The following SLC25A33 variants were observed in gnomAD, a reference collection of about 807,000 sequenced individuals.
SLC25A33 encodes the protein bone marrow stromal cell mitochondrial carrier protein.
In SLC25A33, 15 loss-of-function variants were observed where a neutral mutation model predicts 35.5. That is an observed-to-expected ratio of 0.42 (90% confidence interval 0.28 to 0.65). SLC25A33 has a LOEUF of 0.65. SLC25A33 is among the 30% of genes least tolerant of loss of function. The pLI, the probability that SLC25A33 is intolerant of heterozygous loss-of-function variation, is 0.20. For missense variants in SLC25A33, 257 were observed against 398.5 expected (o/e 0.64, Z 3.02); for synonymous variants, 136 against 148.7 (o/e 0.91, Z 0.62).
rs1387577971 is a variant in SLC25A33 at position 9,584,603 on chromosome 1, T to A, written c.*2102T>A. The A allele has an allele frequency of 6.6e-6, 1 of 152,314 alleles. No individual in the cohort carries two copies. Among genetic ancestry groups the A allele is most frequent in the African/African-American group, 2.4e-5 (1 of 41,472 alleles). The allele number at this position is 152,314 out of a possible 1,614,324, so 9.4% of individuals were successfully genotyped here. A position where few individuals can be genotyped will look rare whatever the true frequency, so the allele number is the denominator to read the frequency against. ...TAGTAGAGATGGGGTTTCACCATGT[T>A]GGCCAGGCTGGTCTCAAACTCTTGA... On this transcript the variant is annotated 3_prime_UTR_variant, in exon 7 of 7. Coordinates refer to ENST00000302692, the MANE Select transcript of SLC25A33 (RefSeq NM_032315.3).
At chr1:9,542,321 A>G (rs1311698486) in intron 1 of SLC25A33, among the ~76,000 whole-genome samples, 1 of 152,054 alleles carries the variant, frequency 6.6e-6, no homozygotes. Flanking sequence ...CTCCTGCTTG[A>G]TTAAGATGTA....
At chr1:9,573,545 G>C in intron 5 of SLC25A33, 133 bp downstream of exon 5, 1 of 705,316 alleles carries the variant, frequency 1.4e-6, no homozygotes, top group Non-Finnish European at 2.4e-6. Flanking sequence ...CTAAGTGCAC[G>C]CAGGATTCCT....
rs564371180 is a variant in SLC25A33, at chr1:9,563,057, T to C, written c.237-4227T>C. Among the ~76,000 whole-genome samples the C allele has an allele frequency of 6.7e-3, 1,012 of 151,600 alleles. 10 individuals carry two copies. Among genetic ancestry groups the C allele is most frequent in the African/African-American group, 0.023 (970 of 41,426 alleles). ...CTTCAGCCTCCCGAGTAGCTGGGAC[T>C]ACAGGCGCCCACTACCACGCCTGGC... is the stretch of plus-strand genomic sequence containing the variant. On this transcript the variant is annotated intron_variant, in intron 2 of 6. Coordinates refer to ENST00000302692, the MANE Select transcript of SLC25A33 (RefSeq NM_032315.3).
chr1:9,577,323 C>G (rs1463133242), intron 5 of SLC25A33, among the ~76,000 whole-genome samples: 1 of 151,888 alleles, frequency 6.6e-6, no homozygotes, highest in Non-Finnish European at 1.5e-5. Flanking sequence ...TGTCATGCCT[C>G]GGGAGGCTGA....
At position 9,582,634 on chromosome 1, in the gene SLC25A33, G is replaced by A; in HGVS notation, c.*133G>A. 1 of 807,968 alleles carries A rather than the reference G, an allele frequency of 1.2e-6. No individual in the cohort carries two copies. Among genetic ancestry groups the A allele is most frequent in the South Asian group, 1.9e-5 (1 of 51,986 alleles). 50.0% of individuals were successfully genotyped at this position (807,968 alleles called of 1,614,324 possible). A position where few individuals can be genotyped will look rare whatever the true frequency, so the allele number is the denominator to read the frequency against. ...AATATCTGGTTCATATCACCTGTTG[G>A]ACATTTCCTTTTGGATTCATGCTTT... On this transcript the variant is annotated 3_prime_UTR_variant, in exon 7 of 7. Coordinates refer to ENST00000302692, the MANE Select transcript of SLC25A33 (RefSeq NM_032315.3). This position sits in a 1 kb window ranked among gnomAD's most constrained non-coding sequence, Gnocchi z 4.0.
At chr1:9,561,624 A>G (rs536411692) in intron 2 of SLC25A33, among the ~76,000 whole-genome samples, 3 of 152,268 alleles carry the variant, frequency 2.0e-5, no homozygotes, top group African/African-American at 7.2e-5. Context: ...ATTATGTGTA[A>G]CTATGGAGAC....
chr1:9,573,229 T>C, intron 4 of SLC25A33, 117 bp from the exon 5 acceptor site: 1 of 663,146 alleles, frequency 1.5e-6, no homozygotes, highest in Non-Finnish European at 2.5e-6. Flanking sequence ...TGCTTCCTAC[T>C]GTCTTTTTAT....
intron 4 of SLC25A33, among the ~76,000 whole-genome samples, chr1:9,573,087 C>T (rs1291339753): frequency 1.3e-5 from 2 of 152,064 alleles, no homozygotes; most frequent in African/African-American, 4.8e-5. Flanking sequence ...ATCAACACCA[C>T]CACCTACAGG....
intron 5 of SLC25A33, among the ~76,000 whole-genome samples, chr1:9,576,032 A>ATCAC (rs1643657230): frequency 6.6e-6 from 1 of 152,154 alleles, no homozygotes. Flanking sequence ...GTAAACTCAT[A>ATCAC]TCACTTCTGT....
At chr1:9,570,595 G>T (rs1643574948) in intron 4 of SLC25A33, among the ~76,000 whole-genome samples, 1 of 151,368 alleles carries the variant, frequency 6.6e-6, no homozygotes, top group Admixed American at 6.6e-5. Context: ...TTCTATGCAT[G>T]CTACTGGTAT....
At chr1:9,564,598 A>G (rs768516923) in intron 2 of SLC25A33, among the ~76,000 whole-genome samples, 9 of 151,870 alleles carry the variant, frequency 5.9e-5, no homozygotes, top group Non-Finnish European at 1.3e-4. Flanking sequence ...AAAAAAAAGG[A>G]AATTCTGGGT....
At chr1:9,569,835 G>A (rs1434303898) in intron 3 of SLC25A33, among the ~76,000 whole-genome samples, 3 of 151,962 alleles carry the variant, frequency 2.0e-5, no homozygotes, top group Non-Finnish European at 2.9e-5. Flanking sequence ...GTGTGTTCCC[G>A]AGTCACCCAA....
rs537280865 is a variant in SLC25A33 at position 9,554,317 on chromosome 1, C to T, written c.236+512C>T. ...GTGCTGGTATTACAGGCGTGAGCCA[C>T]CGCTCCCAGCCGTGAATATTTTTAA... On this transcript the variant is annotated intron_variant, in intron 2 of 6. Coordinates refer to ENST00000302692, the MANE Select transcript of SLC25A33 (RefSeq NM_032315.3). Among the ~76,000 whole-genome samples, 282 of 152,300 alleles carry T rather than the reference C, an allele frequency of 1.9e-3. 1 individual carries two copies. The highest frequency in any genetic ancestry group is 3.4e-3 in the Middle Eastern group (1 of 294).
chr1:9,542,742 A>G (rs1643104950), intron 1 of SLC25A33, among the ~76,000 whole-genome samples: 1 of 152,246 alleles, frequency 6.6e-6, no homozygotes, highest in South Asian at 2.1e-4. Flanking sequence ...GCCATTGGAA[A>G]CTATAACATC....
intron 2 of SLC25A33, among the ~76,000 whole-genome samples, chr1:9,566,064 G>A (rs1643498381): frequency 6.6e-6 from 1 of 151,778 alleles, no homozygotes; most frequent in South Asian, 2.1e-4. Flanking sequence ...TTGAGACAAG[G>A]GGTCTCTTTC....
In SLC25A33 at chr1:9,576,396, C is replaced by T. The variant is rs1236293401; in HGVS notation, c.482+2984C>T. 8.3e-6 allele frequency: 3 copies of T among 363,328 alleles called. No individual in the cohort carries two copies. The East Asian group carries it at 2.2e-4, about 26-fold the overall frequency. The allele number at this position is 363,328 out of a possible 1,614,324, so 22.5% of individuals were successfully genotyped here. Reference sequence around the variant, plus strand: ...CACCCAACTCCCATCTTAAGAATAGCCAGGTGGGCTTTGCCGTGTCTACTG... The same window carrying T: ...CACCCAACTCCCATCTTAAGAATAGTCAGGTGGGCTTTGCCGTGTCTACTG... On this transcript the variant is annotated intron_variant, in intron 5 of 6. Transcript: ENST00000302692.
chr1:9,550,649 A>G lies in SLC25A33; in HGVS notation c.57-2977A>G, dbSNP rs528560003. ...CATGGGTTAGAAAGTTTTTACGTCTATCATTTTTATTTTTATTAATTAATT... is the reference window on the plus strand; with the variant it reads ...CATGGGTTAGAAAGTTTTTACGTCTGTCATTTTTATTTTTATTAATTAATT... On this transcript the variant is annotated intron_variant, in intron 1 of 6. Transcript: ENST00000302692. Among the ~76,000 whole-genome samples the G allele has an allele frequency of 3.3e-4, 50 of 152,052 alleles. 1 individual carries two copies. The highest frequency in any genetic ancestry group is 1.6e-3 in the Admixed American group (25 of 15,248).
In SLC25A33 at chr1:9,584,480, GC is replaced by G. The variant is rs1414825173; in HGVS notation, c.*1981del. On this transcript the variant is annotated 3_prime_UTR_variant, in exon 7 of 7. Transcript: ENST00000302692. ...AGTGGCACAATCTCGGCTCACTACA[GC>G]CTCCACCTCCCGGTTTCAAGCAATT... is the stretch of plus-strand genomic sequence containing the variant. The G allele has an allele frequency of 1.3e-5, 2 of 152,202 alleles. No homozygotes were observed. Among genetic ancestry groups the G allele is most frequent in the East Asian group, 3.8e-4 (2 of 5,196 alleles). 9.4% of individuals were successfully genotyped at this position (152,202 alleles called of 1,614,324 possible).
At chr1:9,542,998 A>G (rs926280752) in intron 1 of SLC25A33, among the ~76,000 whole-genome samples, 1 of 151,868 alleles carries the variant, frequency 6.6e-6, no homozygotes, top group African/African-American at 2.4e-5. Flanking sequence ...TTGTATTTTT[A>G]GTAGAGATGG....
Sources: allele counts gnomAD v4.1 joint callset (sites outside exome capture counted in the v4.1 genomes callset), GRCh38; gene constraint gnomAD v4.1.1; non-coding constraint Gnocchi (gnomAD v3.1); transcripts MANE v1.5; gene names NCBI Gene and HGNC (gene_info 2026-07-23, HGNC 2026-07-21).